The following NEBL variants were observed in gnomAD, a reference collection of about 807,000 sequenced individuals.
The protein encoded by NEBL is nebulette.
NEBL carries 122 observed loss-of-function variants against 140.2 expected under a neutral mutation model. That is an observed-to-expected ratio of 0.87 (90% CI 0.75 to 1.01). NEBL has a LOEUF of 1.01. Among genes scored for constraint, NEBL ranks in the 50% least tolerant of loss-of-function variants. The probability of loss-of-function intolerance (pLI) is 0.00; values close to 1 mark genes in which losing one functional copy is unlikely to be tolerated. For synonymous variants in NEBL, 436 were observed against 398.9 expected, an observed-to-expected ratio of 1.09 and a Z score of -1.11; for missense variants, 1,365 against 1,231.3, an observed-to-expected ratio of 1.11 and a Z score of -1.62.
chr10:21,012,701 C>T (rs11012485), intron 3 of NEBL, among the ~76,000 whole-genome samples: 25,908 of 152,068 alleles, frequency 0.17, 3,497 homozygotes, highest in East Asian at 0.54. Context: ...ACATCCTCCT[C>T]GATAGATAGA....
chr10:20,799,303 G>A (rs1198605588), intron 26 of NEBL, among the ~76,000 whole-genome samples: 3 of 152,022 alleles, frequency 2.0e-5, no homozygotes, highest in Non-Finnish European at 4.4e-5. Flanking sequence ...CCACAGGTAC[G>A]TGCCACCACA....
chr10:20,843,954 C>T (rs1229392539), intron 12 of NEBL, among the ~76,000 whole-genome samples: 2 of 152,072 alleles, frequency 1.3e-5, no homozygotes, highest in South Asian at 2.1e-4. Context: ...CCAACCTCTC[C>T]CCATCCTCTC....
At chr10:21,050,883 A>G (rs1270171619) in intron 2 of NEBL, among the ~76,000 whole-genome samples, 1 of 152,160 alleles carries the variant, frequency 6.6e-6, no homozygotes, top group East Asian at 1.9e-4. Context: ...ACTGTTTCCT[A>G]TGTTAAAAAA....
chr10:21,042,421 C>A (rs2131833642), intron 2 of NEBL, among the ~76,000 whole-genome samples: 1 of 152,296 alleles, frequency 6.6e-6, no homozygotes, highest in African/African-American at 2.4e-5. Flanking sequence ...TAAATACAGC[C>A]ATTATTAAAA....
chr10:20,906,476 A>G (rs1848099389), intron 4 of NEBL, among the ~76,000 whole-genome samples: 1 of 152,198 alleles, frequency 6.6e-6, no homozygotes, highest in Admixed American at 6.5e-5. Context: ...CTATAAGATA[A>G]TATCAAAATA....
chr10:20,985,593 C>T (rs1441259495), intron 3 of NEBL, among the ~76,000 whole-genome samples: 1 of 152,096 alleles, frequency 6.6e-6, no homozygotes, highest in Non-Finnish European at 1.5e-5. Flanking sequence ...TCACATTGCT[C>T]CTTGAATCCT....
intron 3 of NEBL, among the ~76,000 whole-genome samples, chr10:21,190,617 T>C (rs1841556387): frequency 6.6e-6 from 1 of 152,230 alleles, no homozygotes; most frequent in Non-Finnish European, 1.5e-5. Flanking sequence ...AAGTGAATTA[T>C]ACAATGCAAT....
chr10:20,910,762 G>A (rs1241927341), intron 4 of NEBL, among the ~76,000 whole-genome samples: 5 of 151,772 alleles, frequency 3.3e-5, no homozygotes, highest in Admixed American at 6.6e-5. Flanking sequence ...ATTCAAAGAC[G>A]AAAACCTCAT....
rs200798264 is a variant in NEBL, at chr10:21,240,366, G to A, written n.348+7555C>T. 1.5e-4 allele frequency among the ~76,000 whole-genome samples: 23 copies of A among 152,192 alleles called. 1 individual carries two copies. The highest frequency in any genetic ancestry group is 7.7e-4 in the East Asian group (4 of 5,176). ...TTTTTTAAAAAGCCATGATGTGACC[G>A]GGAGCAGTGGCTCACGCCTGTAATC... On this transcript the variant is annotated intron_variant and non_coding_transcript_variant, in intron 3 of 8. Transcript: ENST00000675702.
intron 2 of NEBL, among the ~76,000 whole-genome samples, chr10:21,165,779 C>G (rs1231532784): frequency 6.6e-6 from 1 of 152,012 alleles, no homozygotes; most frequent in Non-Finnish European, 1.5e-5. Context: ...TTGGACTGAA[C>G]CCCAGGGAAA....
In NEBL at chr10:21,043,231, T is replaced by C. The variant is rs560438586; in HGVS notation, c.165-23030A>G. On this transcript the variant is annotated intron_variant, in intron 2 of 6. Transcript: ENST00000417816. The stretch of plus-strand genomic sequence containing the variant: ...AGTACAATGCTTCACATCCAACAGA[T>C]GGTGGAGCCATTTTTGATACTTTTC... 6.6e-5 allele frequency among the ~76,000 whole-genome samples: 10 copies of C among 152,316 alleles called. No homozygotes were observed. The East Asian group carries it at 1.9e-3, about 29-fold the overall frequency.
intron 1 of NEBL, among the ~76,000 whole-genome samples, chr10:21,286,858 A>C (rs1843062810): frequency 6.6e-6 from 1 of 151,866 alleles, no homozygotes; most frequent in Admixed American, 6.6e-5. Context: ...AAAAAAGCAG[A>C]CTACAGCTAT....
At chr10:20,822,115 C>A (rs1039040791) in intron 19 of NEBL, among the ~76,000 whole-genome samples, 4 of 152,086 alleles carry the variant, frequency 2.6e-5, no homozygotes, top group African/African-American at 9.7e-5. Context: ...ATAGTAAGCA[C>A]CCAACAAATA....
At chr10:20,909,138 T>C (rs1588993753) in intron 4 of NEBL, among the ~76,000 whole-genome samples, 1 of 74,046 alleles carries the variant, frequency 1.4e-5, no homozygotes, top group East Asian at 2.8e-4. Context: ...CATTTATCGT[T>C]TGAGTTACAA....
At position 21,020,175 on chromosome 10, in the gene NEBL, G is replaced by A. The variant is rs374904057; in HGVS notation, c.191C>T (p.Thr64Met). 2.5e-5 allele frequency: 40 copies of A among 1,613,978 alleles called. No individual in the cohort carries two copies. Among genetic ancestry groups the A allele is most frequent in the Admixed American group, 5.0e-5 (3 of 60,006 alleles). Residue 64 changes from threonine (T) to methionine (M), a missense_variant, in exon 3 of 7, where the codon ACG becomes ATG. Coordinates refer to the NEBL transcript ENST00000417816. The stretch of plus-strand genomic sequence containing the variant: ...AAGATTTTCAGGTGTATCTGCCACC[G>A]TGGTGAAGGACTGCTTCGGGTAGTG...
intron 1 of NEBL, among the ~76,000 whole-genome samples, chr10:21,275,080 A>G (rs1461477373): frequency 6.6e-6 from 1 of 152,040 alleles, no homozygotes; most frequent in African/African-American, 2.4e-5. Context: ...CCACCATGCA[A>G]GTGAATTTAG....
intron 2 of NEBL, among the ~76,000 whole-genome samples, chr10:21,105,370 T>A (rs1837665459): frequency 6.6e-6 from 1 of 151,946 alleles, no homozygotes; most frequent in Admixed American, 6.6e-5. Context: ...CAGTGTGTGA[T>A]GTTTCCCACC....
chr10:21,116,076 A>G (rs1190609121), intron 2 of NEBL, among the ~76,000 whole-genome samples: 1 of 151,926 alleles, frequency 6.6e-6, no homozygotes, highest in Non-Finnish European at 1.5e-5. Flanking sequence ...TGTCTATTTT[A>G]TATCTTCCAT....
chr10:21,270,943 C>T (rs1842853490), intron 1 of NEBL, among the ~76,000 whole-genome samples: 2 of 152,158 alleles, frequency 1.3e-5, no homozygotes, highest in East Asian at 1.9e-4. Context: ...TTGGTACAGC[C>T]ATTATGGAAA....
Sources: allele counts gnomAD v4.1 joint callset (sites outside exome capture counted in the v4.1 genomes callset), GRCh38; gene constraint gnomAD v4.1.1; transcripts MANE v1.5; gene names NCBI Gene and HGNC (gene_info 2026-07-23, HGNC 2026-07-21).